Variants in DHRS3 observed in about 807,000 individuals in gnomAD.
DHRS3 encodes dehydrogenase/reductase 3.
A neutral mutation model predicts 27.2 loss-of-function variants in DHRS3; 14 were observed. The observed-to-expected ratio is 0.52, with a 90% CI of 0.34 to 0.81. The LOEUF is 0.81. DHRS3 is among the 30% of genes least tolerant of loss of function. The pLI is 0.01. For synonymous variants in DHRS3, 165 were observed against 175.9 expected (o/e 0.94, Z 0.49); for missense variants, 322 against 406.2 (o/e 0.79, Z 1.78).
intron 2 of DHRS3, chr1:12,580,154 G>A (rs1038589803): frequency 4.2e-5 from 14 of 335,714 alleles, no homozygotes; most frequent in East Asian, 1.4e-4. Flanking sequence ...ACATTACCAC[G>A]TGCCAGACAG....
At position 12,574,717 on chromosome 1, in the gene DHRS3, C is replaced by T. The variant is rs150594106; in HGVS notation, c.699-1864G>A. Among the ~76,000 whole-genome samples the T allele has an allele frequency of 4.8e-4, 73 of 152,300 alleles. No homozygotes were observed. The highest frequency in any genetic ancestry group is 1.5e-3 in the African/African-American group (64 of 41,562). Reference sequence around the variant, plus strand: ...TTGGTAAGACCCCTGCCAGGGAAGCCGACAGAGGAGGCCTCAAGCACGTCT... The same window carrying T: ...TTGGTAAGACCCCTGCCAGGGAAGCTGACAGAGGAGGCCTCAAGCACGTCT... On this transcript the variant is annotated intron_variant, in intron 4 of 5. Transcript: ENST00000616661. The surrounding 1 kb of genome is among the most constrained non-coding windows in gnomAD (Gnocchi z 4.6).
intron 1 of DHRS3, among the ~76,000 whole-genome samples, chr1:12,583,631 ATCCC>A (rs1393288009): frequency 9.9e-6 from 1 of 101,110 alleles, no homozygotes; most frequent in Non-Finnish European, 2.1e-5. Context: ...CCATCCATCC[ATCCC>A]TCCCTCACAT....
intron 1 of DHRS3, among the ~76,000 whole-genome samples, chr1:12,584,491 A>T (rs965334888): frequency 1.2e-5 from 1 of 82,352 alleles, no homozygotes; most frequent in Admixed American, 1.3e-4. Context: ...TCACCCCCCC[A>T]CCCCCCAGGC....
chr1:12,617,459 G>T lies in DHRS3; in HGVS notation c.-111C>A, dbSNP rs1646952364. ...TAAACCGAATAAGGAGGAGAGAGGC[G>T]TCCCACCTGGCCACTCTTGAAATCA... On this transcript the variant is annotated 5_prime_UTR_variant, in exon 1 of 6. Coordinates refer to ENST00000616661, the MANE Select transcript of DHRS3 (RefSeq NM_004753.7). The T allele has an allele frequency of 2.9e-6, 3 of 1,038,122 alleles. No homozygotes were observed. Among genetic ancestry groups the T allele is most frequent in the East Asian group, 3.1e-5 (1 of 32,260 alleles). 64.3% of individuals were successfully genotyped at this position (1,038,122 alleles called of 1,614,324 possible). A position where few individuals can be genotyped will look rare whatever the true frequency, so the allele number is the denominator to read the frequency against.
Position 12,568,363 on chromosome 1 carries a change from T to C in DHRS3, c.886A>G (p.Asn296Asp), listed in dbSNP as rs767530149. Residue 296 changes from asparagine to aspartate, a missense_variant, in exon 6 of 6, where the codon AAC (asparagine) becomes GAC (aspartate). Coordinates refer to ENST00000616661, the MANE Select transcript of DHRS3 (RefSeq NM_004753.7). ...CTCTATGTCCGCCCTTTGAAAGTGT[T>C]CATGCAGGTGTAGGTTCCTGAGAAT... ...HKFSGTYTCM[N>D]TFKGRT 15 of 1,613,954 alleles carry C rather than the reference T, an allele frequency of 9.3e-6. No homozygotes were observed. The highest frequency in any genetic ancestry group is 1.2e-5 in the Non-Finnish European group (14 of 1,179,822).
intron 3 of DHRS3, 128 bp downstream of exon 3, chr1:12,579,165 T>A (rs765130945): frequency 6.7e-7 from 1 of 1,501,164 alleles, no homozygotes; most frequent in Non-Finnish European, 9.1e-7. Context: ...ATTCGTCTTG[T>A]CTGGCCACCT....
intron 5 of DHRS3, among the ~76,000 whole-genome samples, chr1:12,572,411 C>G (rs1646545522): frequency 6.6e-6 from 1 of 152,162 alleles, no homozygotes; most frequent in African/African-American, 2.4e-5. Context: ...ACCTCGTGAT[C>G]CACCTGCCTC....
intron 1 of DHRS3, 26 bp downstream of exon 1, chr1:12,617,128 C>A: frequency 6.3e-7 from 1 of 1,598,880 alleles, no homozygotes; most frequent in Non-Finnish European, 8.5e-7. Flanking sequence ...CGGCCCCCCA[C>A]TCCCTGGAGT....
At chr1:12,587,230 T>C (rs960771012) in intron 1 of DHRS3, among the ~76,000 whole-genome samples, 1 of 150,018 alleles carries the variant, frequency 6.7e-6, no homozygotes, top group Non-Finnish European at 1.5e-5. Flanking sequence ...GCAGCCTCCA[T>C]TTCCTGGGCT....
rs1646771145 is a variant in DHRS3, at chr1:12,594,339, G to A, written c.196-13673C>T. Among the ~76,000 whole-genome samples the A allele has an allele frequency of 6.6e-6, 1 of 152,242 alleles. No individual in the cohort carries two copies. The highest frequency in any genetic ancestry group is 6.5e-5 in the Admixed American group (1 of 15,286). On this transcript the variant is annotated intron_variant, in intron 1 of 5. Transcript: ENST00000616661. The surrounding 1 kb of genome is among the most constrained non-coding windows in gnomAD (Gnocchi z 4.1). Reference sequence around the variant, plus strand: ...TGCACCAGGCACTTTGGAGGCCCTGGGATCCAGCGGGGAATACATTTATCT... The same window carrying A: ...TGCACCAGGCACTTTGGAGGCCCTGAGATCCAGCGGGGAATACATTTATCT...
At chr1:12,570,460 C>A (rs910424610) in intron 5 of DHRS3, among the ~76,000 whole-genome samples, 1 of 152,184 alleles carries the variant, frequency 6.6e-6, no homozygotes, top group Non-Finnish European at 1.5e-5. Context: ...GGTTCACTTC[C>A]AGCTGGAGCA....
At chr1:12,604,193 T>G (rs74398485) in intron 1 of DHRS3, among the ~76,000 whole-genome samples, 88 of 152,294 alleles carry the variant, frequency 5.8e-4, no homozygotes, top group African/African-American at 2.0e-3. Context: ...TCGAGAAGTC[T>G]TCTAAGATTT....
At chr1:12,579,522 C>G in intron 2 of DHRS3, 110 bp from the exon 3 acceptor site, 1 of 1,476,364 alleles carries the variant, frequency 6.8e-7, no homozygotes, top group Admixed American at 2.1e-5. Context: ...GTTGTCCAGG[C>G]TGGAGTGCAG....
At chr1:12,575,841 G>C (rs1646581846) in intron 4 of DHRS3, among the ~76,000 whole-genome samples, 1 of 151,954 alleles carries the variant, frequency 6.6e-6, no homozygotes, top group Admixed American at 6.6e-5. Context: ...TGAGTAGCTG[G>C]GATTACAGGC....
At position 12,594,761 on chromosome 1, in the gene DHRS3, A is replaced by T. The variant is rs2100696175; in HGVS notation, c.196-14095T>A. 6.6e-6 allele frequency among the ~76,000 whole-genome samples: 1 copy of T among 152,246 alleles called. No individual in the cohort carries two copies. Among genetic ancestry groups the T allele is most frequent in the East Asian group, 1.9e-4 (1 of 5,182 alleles). On this transcript the variant is annotated intron_variant, in intron 1 of 5. Coordinates refer to ENST00000616661, the MANE Select transcript of DHRS3 (RefSeq NM_004753.7). The surrounding 1 kb of genome is among the most constrained non-coding windows in gnomAD (Gnocchi z 4.1). ...AGCGGGAGACACCAGCCACAGCAGG[A>T]CTTTGAATTCTTTTCTGAGATGGGG...
At chr1:12,576,879 T>A (rs1256865869) in intron 4 of DHRS3, among the ~76,000 whole-genome samples, 1 of 149,530 alleles carries the variant, frequency 6.7e-6, no homozygotes, top group Non-Finnish European at 1.5e-5. Context: ...ACTAGATGTG[T>A]TACATGTATT....
At chr1:12,579,032 G>A (rs1646618198) in intron 3 of DHRS3, 76 bp from the exon 4 acceptor site, 2 of 1,386,160 alleles carry the variant, frequency 1.4e-6, no homozygotes, top group South Asian at 1.3e-5. Context: ...GGGGAGAACA[G>A]CCCACCCCGG....
chr1:12,607,477 T>C (rs1278305479), intron 1 of DHRS3, among the ~76,000 whole-genome samples: 1 of 152,202 alleles, frequency 6.6e-6, no homozygotes, highest in South Asian at 2.1e-4. Context: ...CGGTAGTTCC[T>C]TCTAAGTTCA....
At chr1:12,579,221 C>A (rs1156779040) in intron 3 of DHRS3, 72 bp downstream of exon 3, 5 of 1,611,340 alleles carry the variant, frequency 3.1e-6, no homozygotes, top group Non-Finnish European at 4.2e-6. Context: ...CCTGGCAAAT[C>A]ATCCCCTCCC....
Sources: allele counts gnomAD v4.1 joint callset (sites outside exome capture counted in the v4.1 genomes callset), GRCh38; gene constraint gnomAD v4.1.1; non-coding constraint Gnocchi (gnomAD v3.1); transcripts MANE v1.5; gene names NCBI Gene and HGNC (gene_info 2026-07-23, HGNC 2026-07-21).